Variants in PTPRR observed in about 807,000 individuals in gnomAD.
PTPRR encodes protein tyrosine phosphatase receptor type R.
Under a neutral mutation model 77.2 loss-of-function variants are expected in PTPRR, and 38 were observed. The ratio of observed to expected loss-of-function variants is 0.49; its 90% CI spans 0.38 to 0.65. PTPRR has a LOEUF of 0.65. Among genes scored for constraint, PTPRR ranks in the 30% least tolerant of loss-of-function variants. The pLI is 0.00. For missense variants in PTPRR, 744 were observed against 799.2 expected, an observed-to-expected ratio of 0.93 and a Z score of 0.83; for synonymous variants, 299 against 283.1, an observed-to-expected ratio of 1.06 and a Z score of -0.57.
At chr12:70,897,889 AACT>A (rs1893459594) in intron 1 of PTPRR, among the ~76,000 whole-genome samples, 1 of 151,700 alleles carries the variant, frequency 6.6e-6, no homozygotes, top group African/African-American at 2.4e-5. Flanking sequence ...ATTCTCAGCA[AACT>A]ATCACAAGGA....
intron 1 of PTPRR, among the ~76,000 whole-genome samples, chr12:70,893,855 T>C (rs1212566867): frequency 6.6e-6 from 1 of 151,938 alleles, no homozygotes; most frequent in Admixed American, 6.6e-5. Context: ...CAATATTCTA[T>C]TGTTTTACCT....
chr12:70,684,868 A>T (rs1887802077), intron 8 of PTPRR, 85 bp from the exon 9 acceptor site: 1 of 880,888 alleles, frequency 1.1e-6, no homozygotes, highest in African/African-American at 1.7e-5. Flanking sequence ...GTAAGTAGAA[A>T]CCTGTTATGT....
At position 70,892,869 on chromosome 12, in the gene PTPRR, A is replaced by G; in HGVS notation, c.167T>C (p.Ile56Thr). The part of the protein sequence containing the change: ...HSQDIEKSLD[I>T]APQKIYRHSY... ...ATGTCTGTAGATTTTTTGTGGGGCT[A>G]TATCCAGGCTCTTCTCAATGTCTTG... The change falls in exon 2 of 14, where the codon ATA becomes ACA. Residue 56 changes from isoleucine (I) to threonine (T), a missense_variant. By Grantham distance (89) the Ile-to-Thr change is moderately conservative (BLOSUM62 -1). Around this residue, in one of 3 missense-constraint regions of PTPRR, gnomAD observed 570 missense variants for 573.2 expected, o/e 0.99. Transcript: ENST00000283228. The G allele has an allele frequency of 6.2e-7, 1 of 1,613,584 alleles. No homozygotes were observed. The highest frequency in any genetic ancestry group is 8.5e-7 in the Non-Finnish European group (1 of 1,179,632).
intron 2 of PTPRR, among the ~76,000 whole-genome samples, chr12:70,768,828 A>T (rs1204830709): frequency 6.6e-6 from 1 of 151,882 alleles, no homozygotes; most frequent in African/African-American, 2.4e-5. Flanking sequence ...AGTGGGCTTC[A>T]TCCCTGGGAT....
chr12:70,885,997 C>T (rs1893233923), intron 2 of PTPRR, among the ~76,000 whole-genome samples: 1 of 152,142 alleles, frequency 6.6e-6, no homozygotes, highest in Non-Finnish European at 1.5e-5. Context: ...TCAATTAAAC[C>T]AGCTCTCTTA....
chr12:70,917,509 A>C (rs979609637), intron 1 of PTPRR, among the ~76,000 whole-genome samples: 1 of 152,154 alleles, frequency 6.6e-6, no homozygotes, highest in African/African-American at 2.4e-5. Flanking sequence ...ATCGGCTGCC[A>C]TGGGTAGAGT....
At chr12:70,771,278 A>T (rs150597265) in intron 2 of PTPRR, among the ~76,000 whole-genome samples, 3 of 152,274 alleles carry the variant, frequency 2.0e-5, no homozygotes, top group Non-Finnish European at 4.4e-5. Context: ...CCATTATCCC[A>T]AGCAAAGTAA....
At chr12:70,834,412 C>G (rs928748841) in intron 2 of PTPRR, among the ~76,000 whole-genome samples, 2 of 152,114 alleles carry the variant, frequency 1.3e-5, no homozygotes, top group Non-Finnish European at 2.9e-5. Flanking sequence ...TGAGATCTCC[C>G]TTGTTCAATT....
intron 1 of PTPRR, among the ~76,000 whole-genome samples, chr12:70,897,976 G>A: frequency 7.2e-6 from 1 of 139,324 alleles, no homozygotes; most frequent in Non-Finnish European, 1.5e-5. Context: ...CACAGGAAGG[G>A]GAACATCACA....
In PTPRR at chr12:70,730,946, AAG is replaced by A. The variant is rs553745171; in HGVS notation, c.1007+14870_1007+14871del. Among the ~76,000 whole-genome samples the A allele has an allele frequency of 3.4e-5, 5 of 148,336 alleles. No homozygotes were observed. The South Asian group carries it at 6.6e-4, about 20-fold the overall frequency. On this transcript the variant is annotated intron_variant, in intron 6 of 13. Transcript: ENST00000283228. ...GGAGAGAGAGAGACAGAAGGAAGGAAAGAGAGAGGAAAGAGAGAGGAAGTGAG... is the reference window on the plus strand; with the variant it reads ...GGAGAGAGAGAGACAGAAGGAAGGAAAGAGAGGAAAGAGAGAGGAAGTGAG...
At chr12:70,824,061 T>C (rs747441090) in intron 2 of PTPRR, among the ~76,000 whole-genome samples, 4 of 152,144 alleles carry the variant, frequency 2.6e-5, no homozygotes, top group Admixed American at 6.5e-5. Context: ...ACCCTTAGCA[T>C]TGATACACTA....
At chr12:70,870,457 T>C (rs1030828223) in intron 2 of PTPRR, among the ~76,000 whole-genome samples, 3 of 152,232 alleles carry the variant, frequency 2.0e-5, no homozygotes, top group African/African-American at 7.2e-5. Flanking sequence ...AGATTTGCTA[T>C]TATCACAAGA....
intron 2 of PTPRR, among the ~76,000 whole-genome samples, chr12:70,815,217 G>C (rs1292819936): frequency 6.7e-6 from 1 of 150,098 alleles, no homozygotes; most frequent in African/African-American, 2.4e-5. Flanking sequence ...AGGATTAACA[G>C]CTGATTAGAC....
chr12:70,848,134 C>A (rs1892515085), intron 2 of PTPRR, among the ~76,000 whole-genome samples: 1 of 152,142 alleles, frequency 6.6e-6, no homozygotes, highest in South Asian at 2.1e-4. Flanking sequence ...TCACTTAGTT[C>A]TCAGATTGAC....
At position 70,672,381 on chromosome 12, in the gene PTPRR, A is replaced by T. The variant is rs550583393; in HGVS notation, c.1498-9776T>A. ...ATGGTCCTCCCATCAGAGAGCCAGGAGGTAGACTGGGAAGTGGAGCAGCTG... is the reference window on the plus strand; with the variant it reads ...ATGGTCCTCCCATCAGAGAGCCAGGTGGTAGACTGGGAAGTGGAGCAGCTG... On this transcript the variant is annotated intron_variant, in intron 10 of 13. Coordinates refer to ENST00000283228, the MANE Select transcript of PTPRR (RefSeq NM_002849.4). 76 of 1,298,486 alleles carry T rather than the reference A, an allele frequency of 5.9e-5. No individual in the cohort carries two copies. The African/African-American group carries it at 1.0e-3, about 18-fold the overall frequency. The allele number at this position is 1,298,486 out of a possible 1,614,324, so 80.4% of individuals were successfully genotyped here.
chr12:70,897,184 A>C (rs2137121906), intron 1 of PTPRR, among the ~76,000 whole-genome samples: 1 of 152,164 alleles, frequency 6.6e-6, no homozygotes, highest in South Asian at 2.1e-4. Context: ...GCTTCTGCAC[A>C]GCAAAAGAAA....
intron 1 of PTPRR, among the ~76,000 whole-genome samples, chr12:70,915,946 T>A (rs1261843593): frequency 6.6e-6 from 1 of 152,194 alleles, no homozygotes; most frequent in Non-Finnish European, 1.5e-5. Flanking sequence ...TGCCCCCAGG[T>A]ACTAGGTAGC....
intron 3 of PTPRR, 110 bp from the exon 4 acceptor site, chr12:70,761,736 A>T: frequency 1.2e-6 from 1 of 853,690 alleles, no homozygotes; most frequent in South Asian, 3.0e-5. Context: ...CTAGAATCCT[A>T]AAAGGCTTTG....
rs751385731 is a variant in PTPRR, at chr12:70,684,168, G to A, written c.1456C>T (p.Pro486Ser). ...FWQMVWQEDS[P>S]VIVMITKLKE... ...AGTTTTGTGATCATAACAATCACAG[G>A]GCTGTCTTCCTGCCAAACCATCTGC... The change falls in exon 10 of 14, where the codon CCT becomes TCT. Residue 486 changes from proline (P) to serine (S), a missense_variant. Pro to Ser is a moderately conservative substitution (Grantham distance 74, BLOSUM62 -1). Transcript: ENST00000283228. 3 of 1,613,710 alleles carry A rather than the reference G, an allele frequency of 1.9e-6. No homozygotes were observed. Among genetic ancestry groups the A allele is most frequent in the Non-Finnish European group, 2.5e-6 (3 of 1,179,900 alleles).
Sources: allele counts gnomAD v4.1 joint callset (sites outside exome capture counted in the v4.1 genomes callset), GRCh38; gene constraint gnomAD v4.1.1; regional missense constraint gnomAD v4.1.1; transcripts MANE v1.5; gene names NCBI Gene and HGNC (gene_info 2026-07-23, HGNC 2026-07-21).